The following ADD1 variants were observed in gnomAD, a reference collection of about 807,000 sequenced individuals.
ADD1 encodes alpha-adducin.
ADD1 carries 24 observed loss-of-function variants against 80.5 expected under a neutral mutation model. The observed-to-expected ratio is 0.30, with a 90% CI of 0.22 to 0.42. The LOEUF is 0.42. Ranked by LOEUF, ADD1 falls within the 10% of genes least tolerant of loss-of-function variation. The pLI, the probability that ADD1 is intolerant of heterozygous loss-of-function variation, is 1.00. For missense variants in ADD1, 948 were observed against 1,019.0 expected (o/e 0.93, Z 0.95); for synonymous variants, 373 against 393.8 (o/e 0.95, Z 0.63).
intron 13 of ADD1, among the ~76,000 whole-genome samples, chr4:2,910,371 G>C (rs190745720): frequency 5.7e-4 from 87 of 152,164 alleles, no homozygotes; most frequent in Non-Finnish European, 2.2e-4. Context: ...TGTAATCCCT[G>C]CTAATAACAT....
intron 14 of ADD1, among the ~76,000 whole-genome samples, chr4:2,922,277 C>T (rs771167528): frequency 6.6e-6 from 1 of 152,144 alleles, no homozygotes; most frequent in Non-Finnish European, 1.5e-5. Context: ...GTGGATTTAT[C>T]TACGTTTGGT....
chr4:2,919,132 C>T (rs1308634867), intron 14 of ADD1, among the ~76,000 whole-genome samples: 1 of 152,186 alleles, frequency 6.6e-6, no homozygotes. Context: ...AGCCACCGCA[C>T]CTGGTTGATT....
At position 2,881,900 on chromosome 4, in the gene ADD1, T is replaced by C. The variant is rs754003824; in HGVS notation, c.198T>C (p.Ala66=). The C allele has an allele frequency of 1.9e-6, 3 of 1,591,882 alleles. No homozygotes were observed. Among genetic ancestry groups the C allele is most frequent in the Non-Finnish European group, 2.6e-6 (3 of 1,173,218 alleles). The change falls in exon 3 of 16, where the codon GCT becomes GCC. Residue 66 remains alanine, a splice_region_variant and synonymous_variant. Coordinates refer to ENST00000683351, the MANE Select transcript of ADD1 (RefSeq NM_001354761.2). ...KRVSMILQSP[A]FCEELESMIQ... is the part of the protein sequence containing the mutation. ...AGTGTTTTAATATTTTTTATTAGGC[T>C]TTCTGTGAAGAATTGGAATCAATGA... is the stretch of plus-strand genomic sequence containing the variant.
intron 9 of ADD1, among the ~76,000 whole-genome samples, chr4:2,904,173 C>G (rs1256320932): frequency 2.6e-5 from 4 of 152,068 alleles, no homozygotes; most frequent in Non-Finnish European, 5.9e-5. Context: ...GAGAGTGCAC[C>G]TACCGCAAGT....
rs746468373 is a variant in ADD1 at position 2,894,111 on chromosome 4, T to C, written c.591+18T>C. 2.5e-6 allele frequency: 4 copies of C among 1,601,010 alleles called. No homozygotes were observed. In the African/African-American group the frequency reaches 5.4e-5, roughly 21 times the overall value. ...CCAGTTTGGTAAGAATGTCCTTCTC[T>C]TTGGCAGCTTGTATGTGCAGGTCAT... On this transcript the variant is annotated intron_variant, in intron 5 of 15. Coordinates refer to ENST00000683351, the MANE Select transcript of ADD1 (RefSeq NM_001354761.2).
chr4:2,914,664 T>C (rs1738671294), intron 13 of ADD1: 2 of 470,724 alleles, frequency 4.2e-6, no homozygotes, highest in East Asian at 7.1e-5. Context: ...GGATTTCTTT[T>C]GTGGTTAATA....
At chr4:2,906,909 A>G (rs1027593259) in intron 10 of ADD1, among the ~76,000 whole-genome samples, 9 of 152,172 alleles carry the variant, frequency 5.9e-5, no homozygotes, top group African/African-American at 2.2e-4. Flanking sequence ...TCTGAAAGGC[A>G]TAACATTTGC....
intron 1 of ADD1, among the ~76,000 whole-genome samples, chr4:2,859,155 T>C (rs1486170755): frequency 6.6e-6 from 1 of 152,170 alleles, no homozygotes; most frequent in Admixed American, 6.6e-5. Flanking sequence ...TGTTTAAAAT[T>C]ATAGAGGCAC....
In ADD1 at chr4:2,847,120, AAAAAAC is replaced by A. The variant is rs772903700; in HGVS notation, c.-21+3114_-21+3119del. 1.6e-4 allele frequency among the ~76,000 whole-genome samples: 25 copies of A among 152,112 alleles called. No homozygotes were observed. The East Asian group carries it at 2.1e-3, about 13-fold the overall frequency. On this transcript the variant is annotated intron_variant, in intron 1 of 15. Coordinates refer to ENST00000683351, the MANE Select transcript of ADD1 (RefSeq NM_001354761.2). ...CGACACGGAGCGAGACTCCGTCTCAAAAAAACAAAAACAAAAACAAAAAACAAGCTA... is the reference window on the plus strand; with the variant it reads ...CGACACGGAGCGAGACTCCGTCTCAAAAAAACAAAAACAAAAAACAAGCTA...
rs138396837 is a variant in ADD1, at chr4:2,878,988, A to G, written c.195+2878A>G. ...CACATACTTGGCTTTGGGATTGAAG[A>G]GAGACATGGTTACTAGGAATGAGCA... On this transcript the variant is annotated intron_variant, in intron 2 of 15. Coordinates refer to ENST00000683351, the MANE Select transcript of ADD1 (RefSeq NM_001354761.2). Among the ~76,000 whole-genome samples, 985 of 152,190 alleles carry G rather than the reference A, an allele frequency of 6.5e-3. 11 individuals carry two copies. The highest frequency in any genetic ancestry group is 0.022 in the African/African-American group (925 of 41,490).
At chr4:2,897,114 A>T (rs1421471894) in intron 6 of ADD1, among the ~76,000 whole-genome samples, 1 of 152,138 alleles carries the variant, frequency 6.6e-6, no homozygotes, top group South Asian at 2.1e-4. Context: ...TTCTTGTATG[A>T]GAGCTGATAC....
chr4:2,852,237 T>TTCCTTTCTTTCTTTCTTTC (rs1560138792), intron 1 of ADD1, among the ~76,000 whole-genome samples: 1 of 147,472 alleles, frequency 6.8e-6, no homozygotes, highest in African/African-American at 2.5e-5. Flanking sequence ...TTTCCTTTCT[T>TTCCTTTCTTTCTTTCTTTC]TCTTTCTTTC....
chr4:2,873,862 A>G (rs1730835521), intron 1 of ADD1, among the ~76,000 whole-genome samples: 1 of 152,218 alleles, frequency 6.6e-6, no homozygotes, highest in African/African-American at 2.4e-5. Context: ...CAATAAATAG[A>G]TTGGGTAACC....
chr4:2,870,389 T>C (rs1025508538), intron 1 of ADD1, among the ~76,000 whole-genome samples: 2 of 152,250 alleles, frequency 1.3e-5, no homozygotes, highest in African/African-American at 4.8e-5. Flanking sequence ...AGAGACGTTA[T>C]TTGGACTAAA....
chr4:2,888,310 C>T (rs982778024), intron 4 of ADD1, among the ~76,000 whole-genome samples: 4 of 151,984 alleles, frequency 2.6e-5, no homozygotes, highest in African/African-American at 9.6e-5. Context: ...AACTCCTGGC[C>T]TCAAGCGATC....
At chr4:2,923,520 C>G (rs1560259575) in intron 14 of ADD1, among the ~76,000 whole-genome samples, 1 of 152,246 alleles carries the variant, frequency 6.6e-6, no homozygotes, top group Non-Finnish European at 1.5e-5. Context: ...GTTGGAAATG[C>G]AGAAATCATC....
chr4:2,876,132 C>A, intron 2 of ADD1, 22 bp downstream of exon 2: 1 of 1,602,496 alleles, frequency 6.2e-7, no homozygotes. Flanking sequence ...AGTCTTTTCT[C>A]TGACCAGATG....
rs1224389699 is a variant in ADD1, at chr4:2,909,213, C to T, written c.1699-126C>T. On this transcript the variant is annotated intron_variant, in intron 12 of 15. Transcript: ENST00000683351. ...CAGTGTCTGCACGTCCTGCCATCAT[C>T]ACTGCCACACTTACTGTTGACAGCT... 1.6e-5 allele frequency: 12 copies of T among 772,106 alleles called. No homozygotes were observed. In the East Asian group the frequency reaches 2.7e-4, roughly 17 times the overall value. 47.8% of individuals were successfully genotyped at this position (772,106 alleles called of 1,614,324 possible). A position where few individuals can be genotyped will look rare whatever the true frequency, so the allele number is the denominator to read the frequency against.
At chr4:2,899,611 A>T in intron 9 of ADD1, 176 bp downstream of exon 9, 1 of 723,226 alleles carries the variant, frequency 1.4e-6, no homozygotes, top group South Asian at 1.6e-5. Flanking sequence ...AATAAAATGT[A>T]GAGGTGAAGG....
Sources: allele counts gnomAD v4.1 joint callset (sites outside exome capture counted in the v4.1 genomes callset), GRCh38; gene constraint gnomAD v4.1.1; transcripts MANE v1.5; gene names NCBI Gene and HGNC (gene_info 2026-07-23, HGNC 2026-07-21).